The following OR2Y1 variants were observed in gnomAD, a reference collection of about 807,000 sequenced individuals.
OR2Y1 encodes the protein olfactory receptor family 2 subfamily Y member 1.
For synonymous variants in OR2Y1, 163 were observed against 154.2 expected, an observed-to-expected ratio of 1.06 and a Z score of -0.42; for missense variants, 412 against 388.4, an observed-to-expected ratio of 1.06 and a Z score of -0.51.
In OR2Y1 at chr5:180,739,693, G is replaced by A; in HGVS notation, c.366C>T (p.Arg122=). 2 of 1,614,246 alleles carry A rather than the reference G, an allele frequency of 1.2e-6. No individual in the cohort carries two copies. The highest frequency in any genetic ancestry group is 1.1e-5 in the South Asian group (1 of 91,080). The change falls in exon 1 of 1, where the codon CGC becomes CGT. Residue 122 remains arginine, a synonymous_variant. Coordinates refer to ENST00000307832, the MANE Select transcript of OR2Y1 (RefSeq NM_001001657.1). ...GGAGTGGACGACAGACAGCAGCATA[G>A]CGGTCAAAGGCCATCACCACCAGGA... is the stretch of plus-strand genomic sequence containing the variant. The part of the protein sequence containing the change: ...CVLLVVMAFD[R]YAAVCRPLHY...
chr5:180,739,165 C>T lies in OR2Y1; in HGVS notation c.894G>A (p.Gly298=). 1 of 1,613,106 alleles carries T rather than the reference C, an allele frequency of 6.2e-7. No homozygotes were observed. The highest frequency in any genetic ancestry group is 1.1e-5 in the South Asian group (1 of 90,892). ...CCCTCCATAGTACTTTCCACAGAGC[C>T]CCCTTCACGTCCTTGTTTCTTAGTG... ...IYTLRNKDVK[G]ALWKVLWRGR... is the part of the protein sequence containing the mutation. Residue 298 remains glycine, a synonymous_variant, in exon 1 of 1, where the codon GGG becomes GGA. Transcript: ENST00000307832.
rs377196613 is a variant in OR2Y1 at position 180,739,606 on chromosome 5, C to A, written c.453G>T (p.Ala151=). The part of the protein sequence containing the change: ...CQTLAIASWG[A]GFVNSLIQTG... ...TCTGGATCAGAGAGTTCACGAAACC[C>A]GCACCCCAGGAGGCGATAGCCAGGG... The change falls in exon 1 of 1, where the codon GCG becomes GCT. Residue 151 remains alanine, a synonymous_variant. Transcript: ENST00000307832. 1.9e-6 allele frequency: 3 copies of A among 1,614,202 alleles called. No individual in the cohort carries two copies. The African/African-American group carries it at 4.0e-5, about 22-fold the overall frequency.
Position 180,739,200 on chromosome 5 carries a change from G to A in OR2Y1, c.859C>T (p.Leu287Phe). 1.2e-6 allele frequency: 2 copies of A among 1,614,118 alleles called. No homozygotes were observed. The highest frequency in any genetic ancestry group is 1.7e-6 in the Non-Finnish European group (2 of 1,180,004). Residue 287 changes from leucine (L) to phenylalanine (F), a missense_variant, in exon 1 of 1, where the codon CTC (leucine) becomes TTC (phenylalanine). Transcript: ENST00000307832. Reference protein sequence around the residue: ...YTIITPILNPLIYTLRNKDVK... With the variant: ...YTIITPILNPFIYTLRNKDVK... Reference sequence around the variant, plus strand: ...TCCTTGTTTCTTAGTGTATAAATGAGAGGATTGAGAATGGGGGTAATTATA... The same window carrying A: ...TCCTTGTTTCTTAGTGTATAAATGAAAGGATTGAGAATGGGGGTAATTATA...
Position 180,739,886 on chromosome 5 carries a change from G to T in OR2Y1, c.173C>A (p.Pro58His), listed in dbSNP as rs771756066. ...LSWLDLRLHT[P>H]MYFFLSHLSL... is the part of the protein sequence containing the mutation. ...CAGATGAGAGAGAAAGAAGTACATA[G>T]GTGTGTGCAGCCGAAGGTCTAGCCA... Residue 58 changes from proline (P) to histidine (H), a missense_variant, in exon 1 of 1, where the codon CCT (proline) becomes CAT (histidine). Physicochemically the swap from Pro to His is moderately conservative, Grantham distance 77. Transcript: ENST00000307832. 71 of 1,614,128 alleles carry T rather than the reference G, an allele frequency of 4.4e-5. No homozygotes were observed. Among genetic ancestry groups the T allele is most frequent in the Non-Finnish European group, 5.5e-5 (65 of 1,180,038 alleles).
chr5:180,739,884 T>A lies in OR2Y1; in HGVS notation c.175A>T (p.Met59Leu). 6.2e-7 allele frequency: 1 copy of A among 1,614,100 alleles called. No homozygotes were observed. The highest frequency in any genetic ancestry group is 8.5e-7 in the Non-Finnish European group (1 of 1,180,008). ...SWLDLRLHTP[M>L]YFFLSHLSLL... ...GACAGATGAGAGAGAAAGAAGTACA[T>A]AGGTGTGTGCAGCCGAAGGTCTAGC... Residue 59 changes from methionine (M) to leucine (L), a missense_variant, in exon 1 of 1, where the codon ATG (methionine) becomes TTG (leucine). By Grantham distance (15) the Met-to-Leu change is conservative. Coordinates refer to ENST00000307832, the MANE Select transcript of OR2Y1 (RefSeq NM_001001657.1).
chr5:180,740,028 C>T lies in OR2Y1; in HGVS notation c.31G>A (p.Gly11Ser). ...TCTGAGAATCCCACCAAAATGAAGC[C>T]ATCTTCAAAACTGGTGTTGAAACTT... Reference protein sequence around the residue: MGSFNTSFEDGFILVGFSDWP... With the variant: MGSFNTSFEDSFILVGFSDWP... Residue 11 changes from glycine to serine, a missense_variant, in exon 1 of 1, where the codon GGC becomes AGC. Physicochemically the swap from Gly to Ser is moderately conservative, Grantham distance 56 (BLOSUM62 0). Transcript: ENST00000307832. 6.2e-7 allele frequency: 1 copy of T among 1,612,754 alleles called. No individual in the cohort carries two copies. The highest frequency in any genetic ancestry group is 8.5e-7 in the Non-Finnish European group (1 of 1,179,966).
chr5:180,739,324 T>A lies in OR2Y1; in HGVS notation c.735A>T (p.Leu245=). 6.2e-7 allele frequency: 1 copy of A among 1,613,958 alleles called. No homozygotes were observed. Among genetic ancestry groups the A allele is most frequent in the Non-Finnish European group, 8.5e-7 (1 of 1,179,982 alleles). The change falls in exon 1 of 1, where the codon CTA becomes CTT. Residue 245 remains leucine (L), a synonymous_variant. Coordinates refer to ENST00000307832, the MANE Select transcript of OR2Y1 (RefSeq NM_001001657.1). ...KAFGTCGSHL[L]VVFLFYGSAI... Reference sequence around the variant, plus strand: ...CTGAGCCATAAAAAAGGAAAACTACTAGGAGGTGGGACCCACAAGTCCCAA... The same window carrying A: ...CTGAGCCATAAAAAAGGAAAACTACAAGGAGGTGGGACCCACAAGTCCCAA...
chr5:180,739,488 T>G lies in OR2Y1; in HGVS notation c.571A>C (p.Thr191Pro), dbSNP rs745811070. The G allele has an allele frequency of 5.0e-6, 8 of 1,614,226 alleles. No individual in the cohort carries two copies. The South Asian group carries it at 8.8e-5, about 18-fold the overall frequency. The change falls in exon 1 of 1, where the codon ACA becomes CCA. Residue 191 changes from threonine to proline, a missense_variant. Transcript: ENST00000307832. ...AACATCTTGGCCTCTGTTCCTTCTG[T>G]GTCCGCACAAGCCAACTTCAGAAAT... is the stretch of plus-strand genomic sequence containing the variant. ...PVFLKLACAD[T>P]EGTEAKMFVA...
rs370457095 is a variant in OR2Y1, at chr5:180,739,995, G to A, written c.64C>T (p.Gln22Ter). ...FILVGFSDWP[Q>*]LEPILFVFIF... ...AAGACAAACAGGATGGGCTCCAGTT[G>A]CGGCCAATCTGAGAATCCCACCAAA... is the stretch of plus-strand genomic sequence containing the variant. The change falls in exon 1 of 1, where the codon CAA becomes TAA. Residue 22 changes from glutamine to a stop codon, truncating the protein, a stop_gained. Coordinates refer to ENST00000307832, the MANE Select transcript of OR2Y1 (RefSeq NM_001001657.1). LOFTEE classifies it low-confidence loss of function (END_TRUNC). 2.2e-5 allele frequency: 36 copies of A among 1,613,612 alleles called. No individual in the cohort carries two copies. In the African/African-American group the frequency reaches 4.3e-4, roughly 19 times the overall value.
Position 180,739,610 on chromosome 5 carries a change from C to T in OR2Y1, c.449G>A (p.Gly150Asp), listed in dbSNP as rs1206939962. 10 of 1,614,096 alleles carry T rather than the reference C, an allele frequency of 6.2e-6. No individual in the cohort carries two copies. Among genetic ancestry groups the T allele is most frequent in the African/African-American group, 1.3e-5 (1 of 74,944 alleles). The change falls in exon 1 of 1, where the codon GGT (glycine) becomes GAT (aspartate). Residue 150 changes from glycine (G) to aspartate (D), a missense_variant. Transcript: ENST00000307832. ...GATCAGAGAGTTCACGAAACCCGCA[C>T]CCCAGGAGGCGATAGCCAGGGTCTG... ...LCQTLAIASW[G>D]AGFVNSLIQT...
chr5:180,739,177 C>A lies in OR2Y1; in HGVS notation c.882G>T (p.Lys294Asn). The A allele has an allele frequency of 6.2e-7, 1 of 1,613,830 alleles. No homozygotes were observed. The highest frequency in any genetic ancestry group is 1.3e-5 in the African/African-American group (1 of 74,982). Residue 294 changes from lysine to asparagine, a missense_variant, in exon 1 of 1, where the codon AAG becomes AAT. Transcript: ENST00000307832. ...LNPLIYTLRN[K>N]DVKGALWKVL... The stretch of plus-strand genomic sequence containing the variant: ...CTTTCCACAGAGCCCCCTTCACGTC[C>A]TTGTTTCTTAGTGTATAAATGAGAG...
At position 180,739,607 on chromosome 5, in the gene OR2Y1, G is replaced by C. The variant is rs563237695; in HGVS notation, c.452C>G (p.Ala151Gly). Reference sequence around the variant, plus strand: ...CTGGATCAGAGAGTTCACGAAACCCGCACCCCAGGAGGCGATAGCCAGGGT... The same window carrying C: ...CTGGATCAGAGAGTTCACGAAACCCCCACCCCAGGAGGCGATAGCCAGGGT... ...CQTLAIASWGAGFVNSLIQTG... is the reference protein window; with the variant it reads ...CQTLAIASWGGGFVNSLIQTG... The change falls in exon 1 of 1, where the codon GCG (alanine) becomes GGG (glycine). Residue 151 changes from alanine (A) to glycine (G), a missense_variant. Coordinates refer to ENST00000307832, the MANE Select transcript of OR2Y1 (RefSeq NM_001001657.1). 1 of 1,614,194 alleles carries C rather than the reference G, an allele frequency of 6.2e-7. No individual in the cohort carries two copies. The highest frequency in any genetic ancestry group is 8.5e-7 in the Non-Finnish European group (1 of 1,180,022).
Position 180,739,861 on chromosome 5 carries a change from C to G in OR2Y1, c.198G>C (p.Leu66=), listed in dbSNP as rs202019086. 3 of 1,614,148 alleles carry G rather than the reference C, an allele frequency of 1.9e-6. No homozygotes were observed. In the East Asian group the frequency reaches 6.7e-5, roughly 36 times the overall value. Residue 66 remains leucine (L), a synonymous_variant, in exon 1 of 1, where the codon CTG becomes CTC. Transcript: ENST00000307832. ...TGGTGAAGCAGAGGTCCAGGAGGGA[C>G]AGATGAGAGAGAAAGAAGTACATAG... ...HTPMYFFLSH[L]SLLDLCFTTS...
chr5:180,739,242 C>A lies in OR2Y1; in HGVS notation c.817G>T (p.Val273Phe). The change falls in exon 1 of 1, where the codon GTT becomes TTT. Residue 273 changes from valine (V) to phenylalanine (F), a missense_variant. Coordinates refer to ENST00000307832, the MANE Select transcript of OR2Y1 (RefSeq NM_001001657.1). ...GTAATTATAGTATAAAAAAGGGCAA[C>A]AAATTTTCCCTCACGCTCAGAATAA... ...HNYSEREGKFVALFYTIITPI... is the reference protein window; with the variant it reads ...HNYSEREGKFFALFYTIITPI... The A allele has an allele frequency of 6.2e-7, 1 of 1,614,060 alleles. No homozygotes were observed. The highest frequency in any genetic ancestry group is 8.5e-7 in the Non-Finnish European group (1 of 1,180,000).
Position 180,739,245 on chromosome 5 carries a change from A to G in OR2Y1, c.814T>C (p.Phe272Leu). Residue 272 changes from phenylalanine to leucine, a missense_variant, in exon 1 of 1, where the codon TTT (phenylalanine) becomes CTT (leucine). Transcript: ENST00000307832. ...ATTATAGTATAAAAAAGGGCAACAA[A>G]TTTTCCCTCACGCTCAGAATAATTG... ...IHNYSEREGK[F>L]VALFYTIITP... is the part of the protein sequence containing the mutation. The G allele has an allele frequency of 6.2e-7, 1 of 1,614,042 alleles. No individual in the cohort carries two copies. Among genetic ancestry groups the G allele is most frequent in the Non-Finnish European group, 8.5e-7 (1 of 1,179,990 alleles).
Position 180,739,744 on chromosome 5 carries a change from T to A in OR2Y1, c.315A>T (p.Leu105=), listed in dbSNP as rs1327376315. The A allele has an allele frequency of 1.2e-6, 2 of 1,614,150 alleles. No homozygotes were observed. The highest frequency in any genetic ancestry group is 1.6e-4 in the Middle Eastern group (1 of 6,062). Reference sequence around the variant, plus strand: ...GCACACACTCTGTGGAGCCCAGGGCTAGGTAGATGAAGAGCTGAGCCACAC... The same window carrying A: ...GCACACACTCTGTGGAGCCCAGGGCAAGGTAGATGAAGAGCTGAGCCACAC... ...GGCVAQLFIY[L]ALGSTECVLL... The change falls in exon 1 of 1, where the codon CTA becomes CTT. Residue 105 remains leucine (L), a synonymous_variant. Transcript: ENST00000307832.
Position 180,739,949 on chromosome 5 carries a change from A to C in OR2Y1, c.110T>G (p.Leu37Arg). 3 of 1,614,170 alleles carry C rather than the reference A, an allele frequency of 1.9e-6. No individual in the cohort carries two copies. Among genetic ancestry groups the C allele is most frequent in the Non-Finnish European group, 2.5e-6 (3 of 1,179,978 alleles). ...LFVFIFIFYS[L>R]TLFGNTIIIA... ...GATGATGGTGTTGCCAAAGAGAGTT[A>C]GGGAGTAGAAAATAAAAATAAAGAC... is the stretch of plus-strand genomic sequence containing the variant. The change falls in exon 1 of 1, where the codon CTA becomes CGA. Residue 37 changes from leucine to arginine, a missense_variant. Physicochemically the swap from Leu to Arg is moderately radical, Grantham distance 102 (BLOSUM62 -2). Coordinates refer to ENST00000307832, the MANE Select transcript of OR2Y1 (RefSeq NM_001001657.1).
Position 180,740,016 on chromosome 5 carries a change from C to A in OR2Y1, c.43G>T (p.Val15Leu). The A allele has an allele frequency of 6.2e-7, 1 of 1,613,222 alleles. No homozygotes were observed. The highest frequency in any genetic ancestry group is 8.5e-7 in the Non-Finnish European group (1 of 1,180,000). The change falls in exon 1 of 1, where the codon GTG (valine) becomes TTG (leucine). Residue 15 changes from valine to leucine, a missense_variant. Val to Leu is a conservative substitution (Grantham distance 32). Coordinates refer to ENST00000307832, the MANE Select transcript of OR2Y1 (RefSeq NM_001001657.1). ...NTSFEDGFILVGFSDWPQLEP... is the reference protein window; with the variant it reads ...NTSFEDGFILLGFSDWPQLEP... ...AGTTGCGGCCAATCTGAGAATCCCA[C>A]CAAAATGAAGCCATCTTCAAAACTG...
Position 180,739,691 on chromosome 5 carries a change from T to C in OR2Y1, c.368A>G (p.Tyr123Cys). ...GTGGAGTGGACGACAGACAGCAGCATAGCGGTCAAAGGCCATCACCACCAG... is the reference window on the plus strand; with the variant it reads ...GTGGAGTGGACGACAGACAGCAGCACAGCGGTCAAAGGCCATCACCACCAG... ...VLLVVMAFDR[Y>C]AAVCRPLHYM... The change falls in exon 1 of 1, where the codon TAT (tyrosine) becomes TGT (cysteine). Residue 123 changes from tyrosine to cysteine, a missense_variant. Coordinates refer to ENST00000307832, the MANE Select transcript of OR2Y1 (RefSeq NM_001001657.1). 6.2e-7 allele frequency: 1 copy of C among 1,614,122 alleles called. No homozygotes were observed. The highest frequency in any genetic ancestry group is 8.5e-7 in the Non-Finnish European group (1 of 1,180,014).
Sources: gnomAD v4.1 joint callset for allele counts on GRCh38, gnomAD v4.1.1 for gene constraint, MANE v1.5 for transcripts, NCBI Gene and HGNC (gene_info 2026-07-23, HGNC 2026-07-21) for gene names.